The following METAP2 variants were observed in gnomAD, a reference collection of about 807,000 sequenced individuals.
METAP2 encodes the protein methionine aminopeptidase 2.
A neutral mutation model predicts 59.4 loss-of-function variants in METAP2; 25 were observed. The ratio of observed to expected loss-of-function variants is 0.42; its 90% CI spans 0.31 to 0.59. The LOEUF is 0.59. Among genes scored for constraint, METAP2 ranks in the 20% least tolerant of loss-of-function variants. The pLI, the probability that METAP2 is intolerant of heterozygous loss-of-function variation, is 0.16. For synonymous variants in METAP2, 214 were observed against 194.1 expected (o/e 1.10, Z -0.85); for missense variants, 366 against 581.2 (o/e 0.63, Z 3.81).
intron 1 of METAP2, among the ~76,000 whole-genome samples, chr12:95,474,873 G>A (rs1032257166): frequency 1.3e-5 from 2 of 152,122 alleles, no homozygotes; most frequent in African/African-American, 4.8e-5. Flanking sequence ...GTGTTTGCCC[G>A]CGCGCTCATG....
chr12:95,494,960 A>T lies in METAP2; in HGVS notation c.594A>T (p.Glu198Asp). ...KPGMTMIEIC[E>D]KLEDCSRKLI... is the part of the protein sequence containing the mutation. The stretch of plus-strand genomic sequence containing the variant: ...TCCCTTTGCTTTTTTGTTTTAGTGA[A>T]AAGTTGGAAGACTGTTCACGCAAGT... The change falls in exon 6 of 11, where the codon GAA becomes GAT. Residue 198 changes from glutamate to aspartate, a missense_variant. Around this residue, in one of 4 missense-constraint regions of METAP2, gnomAD observed 106 missense variants for 221.9 expected, o/e 0.48. Transcript: ENST00000323666. 1 of 1,606,560 alleles carries T rather than the reference A, an allele frequency of 6.2e-7. No homozygotes were observed. Among genetic ancestry groups the T allele is most frequent in the Admixed American group, 1.7e-5 (1 of 58,430 alleles).
In METAP2 at chr12:95,513,671, T is replaced by A. The variant is rs201324586; in HGVS notation, c.1204T>A (p.Leu402Met). The A allele has an allele frequency of 1.2e-6, 2 of 1,613,900 alleles. No homozygotes were observed. The highest frequency in any genetic ancestry group is 1.7e-6 in the Non-Finnish European group (2 of 1,179,942). The change falls in exon 11 of 11, where the codon TTG (leucine) becomes ATG (methionine). Residue 402 changes from leucine (L) to methionine (M), a missense_variant. Leu to Met is a conservative substitution (Grantham distance 15, BLOSUM62 2). This residue lies in a region of METAP2 where 82 missense variants were observed against 156.2 expected (regional missense o/e 0.52). Transcript: ENST00000323666. ...TCTTAGGCTTCCAAGAACAAAACAC[T>A]TGTTAAATGTCATCAATGAAAACTT... ...VPIRLPRTKH[L>M]LNVINENFGT...
rs554365666 is a variant in METAP2 at position 95,512,678 on chromosome 12, C to T, written c.1069-123C>T. 104 of 616,058 alleles carry T rather than the reference C, an allele frequency of 1.7e-4. No individual in the cohort carries two copies. In the South Asian group the frequency reaches 2.0e-3, roughly 12 times the overall value. The allele number at this position is 616,058 out of a possible 1,614,324, so 38.2% of individuals were successfully genotyped here. On this transcript the variant is annotated intron_variant, in intron 9 of 10. Coordinates refer to ENST00000323666, the MANE Select transcript of METAP2 (RefSeq NM_006838.4). ...AGTGAGCCAAGATCTCACCACTGCA[C>T]TCCAGCCTGGCAGCAGAGAGAGACT...
In METAP2 at chr12:95,476,196, T is replaced by C. The variant is rs375569750; in HGVS notation, c.259+18T>C. ...TGATGAAGGTAAATGGTTAATTTGA[T>C]CTTTGTGGTTAGAAAAGCTAGAAAA... On this transcript the variant is annotated intron_variant, in intron 2 of 10. Coordinates refer to ENST00000323666, the MANE Select transcript of METAP2 (RefSeq NM_006838.4). 5.1e-5 allele frequency: 77 copies of C among 1,519,048 alleles called. No homozygotes were observed. The African/African-American group carries it at 8.5e-4, about 17-fold the overall frequency. 94.1% of individuals were successfully genotyped at this position (1,519,048 alleles called of 1,614,324 possible). A position where few individuals can be genotyped will look rare whatever the true frequency, so the allele number is the denominator to read the frequency against.
At chr12:95,494,625 A>G (rs2076263665) in intron 5 of METAP2, among the ~76,000 whole-genome samples, 1 of 152,222 alleles carries the variant, frequency 6.6e-6, no homozygotes, top group African/African-American at 2.4e-5. Flanking sequence ...TAATTCTCTG[A>G]TTCCTACAAT....
chr12:95,513,364 C>T (rs979071620), intron 10 of METAP2, among the ~76,000 whole-genome samples: 15 of 152,084 alleles, frequency 9.9e-5, no homozygotes, highest in Non-Finnish European at 1.5e-5. Flanking sequence ...CATCATAATA[C>T]CCTGTAGTAG....
chr12:95,487,550 C>G (rs1180341170), intron 4 of METAP2, among the ~76,000 whole-genome samples: 1 of 151,482 alleles, frequency 6.6e-6, no homozygotes, highest in Non-Finnish European at 1.5e-5. Context: ...TCTTATAGTA[C>G]ATATGATGTG....
Position 95,513,906 on chromosome 12 carries a change from C to T in METAP2, c.*2C>T, listed in dbSNP as rs1286092383. ...GTCAGCAGAGGAGATGACTATTAAA[C>T]TTAGTCCAAAGCCACCTCAACACCT... On this transcript the variant is annotated 3_prime_UTR_variant, in exon 11 of 11. Transcript: ENST00000323666. 8.1e-6 allele frequency: 13 copies of T among 1,607,670 alleles called. No homozygotes were observed. Among genetic ancestry groups the T allele is most frequent in the African/African-American group, 1.3e-5 (1 of 74,908 alleles).
intron 2 of METAP2, among the ~76,000 whole-genome samples, chr12:95,478,657 A>G (rs1057007404): frequency 6.6e-6 from 1 of 152,052 alleles, no homozygotes; most frequent in Admixed American, 6.6e-5. Flanking sequence ...AATAAAGAAA[A>G]CTAAGGATGT....
At position 95,511,388 on chromosome 12, in the gene METAP2, C is replaced by T. The variant is rs1179007831; in HGVS notation, c.965-507C>T. Among the ~76,000 whole-genome samples the T allele has an allele frequency of 3.8e-4, 40 of 104,424 alleles. No individual in the cohort carries two copies. In the South Asian group the frequency reaches 0.012, roughly 31 times the overall value. The allele number at this position is 104,424 out of a possible 152,430, so 68.5% of individuals were successfully genotyped here. A position where few individuals can be genotyped will look rare whatever the true frequency, so the allele number is the denominator to read the frequency against. On this transcript the variant is annotated intron_variant, in intron 8 of 10. Transcript: ENST00000323666. ...TTTCTTCCATCCTCCCTTCTAGCAC[C>T]GTTTTTTTTTTTTTTTTTTTTTTTT...
At chr12:95,512,738 G>A (rs2076412725) in intron 9 of METAP2, 63 bp from the exon 10 acceptor site, 2 of 867,384 alleles carry the variant, frequency 2.3e-6, no homozygotes, top group East Asian at 2.5e-5. Context: ...AAGAGAGATG[G>A]TAATTGTGAT....
intron 2 of METAP2, among the ~76,000 whole-genome samples, chr12:95,480,791 G>T (rs569945131): frequency 3.2e-4 from 49 of 152,126 alleles, no homozygotes; most frequent in African/African-American, 1.2e-3. Flanking sequence ...TATTTCTATG[G>T]GATGGCTATT....
At chr12:95,492,660 G>A (rs1024023641) in intron 4 of METAP2, among the ~76,000 whole-genome samples, 2 of 151,904 alleles carry the variant, frequency 1.3e-5, no homozygotes, top group Non-Finnish European at 2.9e-5. Context: ...TGAACTTCTG[G>A]GCTCAAGTGA....
intron 3 of METAP2, chr12:95,484,953 T>C (rs1337845152): frequency 4.5e-6 from 2 of 443,196 alleles, no homozygotes; most frequent in Non-Finnish European, 9.0e-6. Context: ...TATATCCTGG[T>C]AGACTTCTTG....
chr12:95,497,332 GT>G (rs1365320160), intron 7 of METAP2, among the ~76,000 whole-genome samples: 1 of 152,134 alleles, frequency 6.6e-6, no homozygotes, highest in African/African-American at 2.4e-5. Flanking sequence ...CTCATATAGT[GT>G]TTGTTGTTTT....
At chr12:95,513,423 T>C (rs560244721) in intron 10 of METAP2, among the ~76,000 whole-genome samples, 2 of 152,220 alleles carry the variant, frequency 1.3e-5, no homozygotes, top group East Asian at 3.9e-4. Flanking sequence ...CGCGCGCACG[T>C]AGACACGTAA....
At chr12:95,512,084 ACTGACCAGAATTAG>A in intron 9 of METAP2, 86 bp downstream of exon 9, 1 of 905,922 alleles carries the variant, frequency 1.1e-6, no homozygotes, top group Non-Finnish European at 1.7e-6. Flanking sequence ...ATATGGTTAT[ACTGACCAGAATTAG>A]CTGCTTATCA....
At chr12:95,488,511 CAAAA>C (rs537119415) in intron 4 of METAP2, among the ~76,000 whole-genome samples, 2 of 76,564 alleles carry the variant, frequency 2.6e-5, no homozygotes, top group African/African-American at 5.0e-5. Context: ...TTTGTCTCAC[CAAAA>C]AAAAAAAAAA....
chr12:95,489,323 G>A (rs1222721554), intron 4 of METAP2, among the ~76,000 whole-genome samples: 1 of 152,074 alleles, frequency 6.6e-6, no homozygotes, highest in Non-Finnish European at 1.5e-5. Context: ...AATTAAATAA[G>A]TAGAATAACT....
Sources: allele counts gnomAD v4.1 joint callset (sites outside exome capture counted in the v4.1 genomes callset), GRCh38; gene constraint gnomAD v4.1.1; regional missense constraint gnomAD v4.1.1; transcripts MANE v1.5; gene names NCBI Gene and HGNC (gene_info 2026-07-23, HGNC 2026-07-21).